The following LRMDA variants were observed in gnomAD, a reference collection of about 807,000 sequenced individuals.
LRMDA encodes leucine-rich melanocyte differentiation-associated protein.
Under a neutral mutation model 29.8 loss-of-function variants are expected in LRMDA, and 18 were observed. That is an observed-to-expected ratio of 0.60 (90% CI 0.42 to 0.90). The LOEUF (loss-of-function observed/expected upper bound fraction) is 0.90, where lower values mean the gene tolerates loss of function less well. LRMDA is among the 40% of genes least tolerant of loss of function. LRMDA has a pLI of 0.00. For missense variants in LRMDA, 273 were observed against 273.9 expected (o/e 1.00, Z 0.02); for synonymous variants, 125 against 109.4 (o/e 1.14, Z -0.89).
chr10:75,782,451 C>A (rs1843399298), intron 2 of LRMDA, among the ~76,000 whole-genome samples: 1 of 152,120 alleles, frequency 6.6e-6, no homozygotes, highest in African/African-American at 2.4e-5. Context: ...TCCTCTTTAG[C>A]AGATGGGATG....
At chr10:75,544,340 T>C (rs1353502773) in intron 2 of LRMDA, among the ~76,000 whole-genome samples, 1 of 152,248 alleles carries the variant, frequency 6.6e-6, no homozygotes, top group Non-Finnish European at 1.5e-5. Context: ...GACTAAATGA[T>C]GGTAGGTTTC....
intron 6 of LRMDA, among the ~76,000 whole-genome samples, chr10:76,556,211 C>T (rs1226923865): frequency 3.3e-5 from 5 of 152,068 alleles, no homozygotes; most frequent in Admixed American, 2.6e-4. Flanking sequence ...GAGCCTTATA[C>T]GGAGCCACAG....
intron 2 of LRMDA, among the ~76,000 whole-genome samples, chr10:75,971,789 A>G (rs1846976585): frequency 6.6e-6 from 1 of 152,172 alleles, no homozygotes; most frequent in African/African-American, 2.4e-5. Context: ...GAGATTGGGA[A>G]TCTGTTTCTT....
intron 2 of LRMDA, among the ~76,000 whole-genome samples, chr10:76,020,369 A>G (rs1457115744): frequency 6.6e-6 from 1 of 152,256 alleles, no homozygotes; most frequent in East Asian, 1.9e-4. Context: ...GGAAGAGCAG[A>G]AAACAAAAAA....
intron 5 of LRMDA, among the ~76,000 whole-genome samples, chr10:76,218,573 A>T: frequency 6.6e-6 from 1 of 152,348 alleles, no homozygotes; most frequent in South Asian, 2.1e-4. Context: ...ACAGATATCC[A>T]AGAGGCACCA....
At chr10:75,739,567 G>T (rs1842805418) in intron 2 of LRMDA, among the ~76,000 whole-genome samples, 1 of 152,164 alleles carries the variant, frequency 6.6e-6, no homozygotes, top group South Asian at 2.1e-4. Context: ...ATTATCGTTG[G>T]CGGGTTTGAC....
chr10:75,789,593 A>G, intron 2 of LRMDA, among the ~76,000 whole-genome samples: 1 of 152,246 alleles, frequency 6.6e-6, no homozygotes, highest in South Asian at 2.1e-4. Context: ...TTATAAATAT[A>G]TTTAAAATCA....
chr10:75,958,573 A>AT (rs1170421545), intron 2 of LRMDA, among the ~76,000 whole-genome samples: 1 of 151,498 alleles, frequency 6.6e-6, no homozygotes, highest in Non-Finnish European at 1.5e-5. Context: ...TTGAAAAAAA[A>AT]CCTGCCCACT....
chr10:76,466,047 G>A (rs1842561660), intron 6 of LRMDA, among the ~76,000 whole-genome samples: 1 of 152,146 alleles, frequency 6.6e-6, no homozygotes, highest in Admixed American at 6.6e-5. Flanking sequence ...ATTTTTGGTG[G>A]GGCACAGTTC....
At chr10:75,487,053 G>A (rs1844924363) in intron 2 of LRMDA, among the ~76,000 whole-genome samples, 1 of 152,186 alleles carries the variant, frequency 6.6e-6, no homozygotes, top group Admixed American at 6.5e-5. Context: ...ATATGGAGTT[G>A]TTTTGTCAGA....
At chr10:75,558,917 A>C (rs1284388726) in intron 2 of LRMDA, among the ~76,000 whole-genome samples, 1 of 145,242 alleles carries the variant, frequency 6.9e-6, no homozygotes, top group African/African-American at 2.5e-5. Flanking sequence ...ACATTTTCTT[A>C]ATCCAGTCTA....
At chr10:76,301,157 G>A (rs1222421283) in intron 5 of LRMDA, among the ~76,000 whole-genome samples, 1 of 152,110 alleles carries the variant, frequency 6.6e-6, no homozygotes, top group African/African-American at 2.4e-5. Flanking sequence ...TTGATACAAA[G>A]TATTTTTGAG....
chr10:76,428,213 A>G (rs1406742072), intron 6 of LRMDA, among the ~76,000 whole-genome samples: 1 of 152,110 alleles, frequency 6.6e-6, no homozygotes, highest in Non-Finnish European at 1.5e-5. Context: ...CTTCTACTTT[A>G]TTGAATTAGT....
intron 2 of LRMDA, among the ~76,000 whole-genome samples, chr10:75,707,920 T>A (rs528392916): frequency 3.3e-5 from 5 of 152,264 alleles, no homozygotes; most frequent in Admixed American, 1.3e-4. Context: ...TGCCTCTCGG[T>A]CAGGATTATT....
intron 2 of LRMDA, among the ~76,000 whole-genome samples, chr10:75,976,080 G>C (rs775854923): frequency 6.6e-6 from 1 of 152,222 alleles, no homozygotes; most frequent in African/African-American, 2.4e-5. Context: ...CCCTCCAGCA[G>C]TTACCTGTTG....
intron 6 of LRMDA, among the ~76,000 whole-genome samples, chr10:76,390,642 C>T (rs1046270984): frequency 2.0e-5 from 3 of 152,128 alleles, no homozygotes; most frequent in African/African-American, 7.2e-5. Context: ...CCTTCATTGC[C>T]CCTCCCATCC....
chr10:76,441,332 A>T (rs1445820758), intron 6 of LRMDA, among the ~76,000 whole-genome samples: 1 of 152,204 alleles, frequency 6.6e-6, no homozygotes, highest in African/African-American at 2.4e-5. Context: ...TAATAGTTGC[A>T]TGGGCAATTT....
chr10:76,134,684 A>G (rs1850061194), intron 5 of LRMDA, among the ~76,000 whole-genome samples: 1 of 152,148 alleles, frequency 6.6e-6, no homozygotes, highest in Non-Finnish European at 1.5e-5. Flanking sequence ...CTAGTTATAT[A>G]ATTTGAGTGA....
At chr10:76,530,654 G>C (rs1320572582) in intron 6 of LRMDA, among the ~76,000 whole-genome samples, 1 of 152,138 alleles carries the variant, frequency 6.6e-6, no homozygotes, top group Non-Finnish European at 1.5e-5. Flanking sequence ...AATCTGCTAA[G>C]GTTTTGCTCC....
Sources: gnomAD v4.1 joint callset for allele counts (sites outside exome capture counted in the v4.1 genomes callset) on GRCh38, gnomAD v4.1.1 for gene constraint, MANE v1.5 for transcripts, NCBI Gene and HGNC (gene_info 2026-07-23, HGNC 2026-07-21) for gene names.